The following TFDP1 variants were observed in gnomAD, a reference collection of about 807,000 sequenced individuals.
TFDP1 encodes DRTF1-polypeptide 1.
Under a neutral mutation model 48.0 loss-of-function variants are expected in TFDP1, and 6 were observed. The observed-to-expected ratio is 0.13, with a 90% confidence interval of 0.07 to 0.25. The LOEUF is 0.25. Ranked by LOEUF, TFDP1 falls within the 10% of genes least tolerant of loss-of-function variation. The pLI, the probability that TFDP1 is intolerant of heterozygous loss-of-function variation, is 1.00. For synonymous variants in TFDP1, 201 were observed against 211.6 expected (o/e 0.95, Z 0.44); for missense variants, 335 against 543.0 (o/e 0.62, Z 3.81).
chr13:113,591,009 CAAAA>C (rs71101595), intron 2 of TFDP1, among the ~76,000 whole-genome samples: 211 of 59,852 alleles, frequency 3.5e-3, no homozygotes, highest in Middle Eastern at 0.019. Context: ...GACTCTGTCT[CAAAA>C]AAAAAAAAAA....
At chr13:113,597,343 C>T (rs988723570) in intron 2 of TFDP1, among the ~76,000 whole-genome samples, 15 of 152,196 alleles carry the variant, frequency 9.9e-5, no homozygotes, top group Non-Finnish European at 1.6e-4. Context: ...TATACTCGGG[C>T]GAGGGCTATG....
chr13:113,594,963 A>G (rs1462446113), intron 2 of TFDP1, among the ~76,000 whole-genome samples: 8 of 152,186 alleles, frequency 5.3e-5, no homozygotes, highest in Non-Finnish European at 1.2e-4. Context: ...TTGGATTTCT[A>G]TTTAGCCGTG....
At chr13:113,609,404 A>G (rs12876129) in intron 2 of TFDP1, among the ~76,000 whole-genome samples, 72,167 of 151,934 alleles carry the variant, frequency 0.47, 19,130 homozygotes, top group African/African-American at 0.72. Context: ...CAGAAAGTGC[A>G]GTTGGACCCG....
intron 4 of TFDP1, among the ~76,000 whole-genome samples, chr13:113,629,829 G>A (rs1005035465): frequency 2.0e-5 from 3 of 152,224 alleles, no homozygotes; most frequent in Non-Finnish European, 2.9e-5. Flanking sequence ...ACAGCGGCAC[G>A]GTGACGGCAT....
chr13:113,587,244 A>C (rs1009914425), intron 2 of TFDP1, among the ~76,000 whole-genome samples: 9 of 152,152 alleles, frequency 5.9e-5, no homozygotes, highest in Middle Eastern at 3.4e-3. Flanking sequence ...TGAATGCTCC[A>C]TCCAGTGTGG....
At chr13:113,632,166 C>T (rs4150777) in intron 5 of TFDP1, among the ~76,000 whole-genome samples, 242 of 152,352 alleles carry the variant, frequency 1.6e-3, no homozygotes, top group African/African-American at 5.4e-3. Flanking sequence ...CGGGTGGTCC[C>T]GCCAGAGCTG....
chr13:113,612,394 T>G (rs1431912980), intron 3 of TFDP1, among the ~76,000 whole-genome samples: 2 of 152,252 alleles, frequency 1.3e-5, no homozygotes, highest in African/African-American at 4.8e-5. Flanking sequence ...AGCAGGTCCT[T>G]CCCTGCCGCT....
At chr13:113,634,130 T>A in intron 7 of TFDP1, 97 bp downstream of exon 7, 2 of 1,543,286 alleles carry the variant, frequency 1.3e-6, no homozygotes, top group South Asian at 1.1e-5. Context: ...TCCGTGCCCT[T>A]ATGCTCTCTG....
intron 2 of TFDP1, among the ~76,000 whole-genome samples, chr13:113,591,598 CTT>C (rs1255870669): frequency 6.6e-6 from 1 of 152,176 alleles, no homozygotes; most frequent in Non-Finnish European, 1.5e-5. Context: ...ATGTTAAAAA[CTT>C]TTCACTCTTG....
chr13:113,588,947 AGAGT>A (rs1393380576), intron 2 of TFDP1, among the ~76,000 whole-genome samples: 1 of 148,884 alleles, frequency 6.7e-6, no homozygotes, highest in Non-Finnish European at 1.5e-5. Context: ...TTGTGGGTGG[AGAGT>A]GAGTGATGGT....
At chr13:113,605,378 A>G (rs1157021366) in intron 2 of TFDP1, among the ~76,000 whole-genome samples, 1 of 152,150 alleles carries the variant, frequency 6.6e-6, no homozygotes, top group South Asian at 2.1e-4. Flanking sequence ...CTTTTTTTTA[A>G]TGTTCTAGAG....
chr13:113,589,312 G>T (rs929824862), intron 2 of TFDP1, among the ~76,000 whole-genome samples: 1 of 152,186 alleles, frequency 6.6e-6, no homozygotes, highest in South Asian at 2.1e-4. Flanking sequence ...GGCTGGCTCC[G>T]GGAACCTGAG....
chr13:113,608,369 C>G (rs1311345124), intron 2 of TFDP1, among the ~76,000 whole-genome samples: 1 of 152,236 alleles, frequency 6.6e-6, no homozygotes. Flanking sequence ...ACCACGGTTG[C>G]CACAGGCTGG....
At chr13:113,626,179 C>T (rs1024307819) in intron 4 of TFDP1, among the ~76,000 whole-genome samples, 15 of 151,992 alleles carry the variant, frequency 9.9e-5, no homozygotes, top group African/African-American at 3.4e-4. Flanking sequence ...TCTCATGGAT[C>T]CCCAGGCATC....
intron 2 of TFDP1, among the ~76,000 whole-genome samples, chr13:113,602,732 C>A (rs1001798508): frequency 2.0e-4 from 30 of 152,138 alleles, no homozygotes; most frequent in Admixed American, 1.5e-3. Context: ...TTTGCAGGGT[C>A]CCCCCTGAGA....
intron 3 of TFDP1, among the ~76,000 whole-genome samples, chr13:113,614,869 G>T (rs1276705081): frequency 1.3e-5 from 2 of 152,200 alleles, no homozygotes; most frequent in African/African-American, 4.8e-5. Context: ...GAAAATGCAG[G>T]TGTTGCTCTG....
At position 113,624,481 on chromosome 13, in the gene TFDP1, TCTCAGGTGTC is replaced by T. The variant is rs72455064; in HGVS notation, c.186+1206_186+1215del. On this transcript the variant is annotated intron_variant, in intron 4 of 11. Coordinates refer to ENST00000375370, the MANE Select transcript of TFDP1 (RefSeq NM_007111.5). Reference sequence around the variant, plus strand: ...GTCCCCACGTGTCTCTCAGGGTGTCTCTCAGGTGTCCTCAGGTGTCTCTCAGGGTGTCTCT... The same window carrying T: ...GTCCCCACGTGTCTCTCAGGGTGTCTCTCAGGTGTCTCTCAGGGTGTCTCT... 9.5e-3 allele frequency among the ~76,000 whole-genome samples: 1,441 copies of T among 150,980 alleles called. 28 individuals are homozygous for T. The highest frequency in any genetic ancestry group is 0.033 in the African/African-American group (1,358 of 40,634).
chr13:113,599,738 C>T (rs1439381989), intron 2 of TFDP1, among the ~76,000 whole-genome samples: 3 of 152,214 alleles, frequency 2.0e-5, no homozygotes, highest in Non-Finnish European at 4.4e-5. Flanking sequence ...CCCTGACCTC[C>T]CGCTTCCACA....
Position 113,623,502 on chromosome 13 carries a change from A to G in TFDP1, c.186+216A>G, listed in dbSNP as rs1164451145. 6.6e-6 allele frequency among the ~76,000 whole-genome samples: 1 copy of G among 152,098 alleles called. No homozygotes were observed. The highest frequency in any genetic ancestry group is 1.5e-5 in the Non-Finnish European group (1 of 68,006). The stretch of plus-strand genomic sequence containing the variant: ...TTGTGGGAGAGGTGATGGCGCCCAC[A>G]GCACTCCTGTGTGCCCCAGCCCATG... On this transcript the variant is annotated intron_variant, in intron 4 of 11. Transcript: ENST00000375370. This position sits in a 1 kb window ranked among gnomAD's most constrained non-coding sequence, Gnocchi z 5.2.
Sources: gnomAD v4.1 joint callset for allele counts (sites outside exome capture counted in the v4.1 genomes callset) on GRCh38, gnomAD v4.1.1 for gene constraint, Gnocchi (gnomAD v3.1) non-coding constraint, MANE v1.5 for transcripts, NCBI Gene and HGNC (gene_info 2026-07-23, HGNC 2026-07-21) for gene names.